ZDHHC8: variants seen among roughly 807,000 people sequenced by gnomAD.
ZDHHC8 encodes zDHHC palmitoyltransferase 8.
In ZDHHC8, 24 loss-of-function variants were observed where a neutral mutation model predicts 61.2. The ratio of observed to expected loss-of-function variants is 0.39; its 90% CI spans 0.28 to 0.55. The LOEUF (loss-of-function observed/expected upper bound fraction) is 0.55. Ranked by LOEUF, ZDHHC8 falls within the 20% of genes least tolerant of loss-of-function variation. The probability of loss-of-function intolerance (pLI) is 0.60; values close to 1 mark genes in which losing one functional copy is unlikely to be tolerated. For missense variants in ZDHHC8, 935 were observed against 1,102.1 expected (o/e 0.85, Z 2.15); for synonymous variants, 523 against 492.5 (o/e 1.06, Z -0.82).
chr22:20,143,760 G>A lies in ZDHHC8; in HGVS notation c.2126+4G>A, dbSNP rs766975324. On this transcript the variant is annotated splice_donor_region_variant and intron_variant, in intron 10 of 10. Transcript: ENST00000334554. ...CGCCCTCGCTGACCGTGCAGAGGTG[G>A]GTGCCGGGAGGTGCGGGTGGGCTTC... is the stretch of plus-strand genomic sequence containing the variant. 3.1e-6 allele frequency: 5 copies of A among 1,600,426 alleles called. No individual in the cohort carries two copies. Among genetic ancestry groups the A allele is most frequent in the African/African-American group, 1.3e-5 (1 of 74,746 alleles).
rs1182924053 is a variant in ZDHHC8 at position 20,143,402 on chromosome 22, G to A, written c.1772G>A (p.Ser591Asn). Residue 591 changes from serine (S) to asparagine (N), a missense_variant, in exon 10 of 11, where the codon AGT becomes AAT. Coordinates refer to ENST00000334554, the MANE Select transcript of ZDHHC8 (RefSeq NM_013373.4). ...AGCTCCTACAGCCTGCAGCAGGCCA[G>A]TGTGCTGTCCGAGGGCCCCCGAGGT... ...APSSYSLQQA[S>N]VLSEGPRGPA... 2 of 1,589,562 alleles carry A rather than the reference G, an allele frequency of 1.3e-6. No homozygotes were observed. The highest frequency in any genetic ancestry group is 1.7e-6 in the Non-Finnish European group (2 of 1,172,502).
chr22:20,145,284 C>T lies in ZDHHC8; in HGVS notation c.2182C>T (p.Leu728=). 6.3e-7 allele frequency: 1 copy of T among 1,581,500 alleles called. No individual in the cohort carries two copies. Among genetic ancestry groups the T allele is most frequent in the Non-Finnish European group, 8.6e-7 (1 of 1,165,106 alleles). Residue 728 remains leucine (L), a synonymous_variant, in exon 11 of 11, where the codon CTG becomes TTG. Coordinates refer to ENST00000334554, the MANE Select transcript of ZDHHC8 (RefSeq NM_013373.4). Reference sequence around the variant, plus strand: ...TAAGCTTAATGGGCAGTCCCCGGGCCTGGCCCGGCTGGGACCTGCCACCGG... The same window carrying T: ...TAAGCTTAATGGGCAGTCCCCGGGCTTGGCCCGGCTGGGACCTGCCACCGG... ...PSKLNGQSPG[L]ARLGPATGPP...
chr22:20,134,553 C>G (rs894666471), intron 1 of ZDHHC8, among the ~76,000 whole-genome samples: 8 of 152,246 alleles, frequency 5.3e-5, no homozygotes, highest in African/African-American at 1.7e-4. Flanking sequence ...CCCCGAATCC[C>G]TGCCCTTAGT....
At chr22:20,136,260 G>C (rs753620388) in intron 1 of ZDHHC8, among the ~76,000 whole-genome samples, 6 of 152,226 alleles carry the variant, frequency 3.9e-5, no homozygotes, top group Non-Finnish European at 7.3e-5. Flanking sequence ...TGCACCATCA[G>C]GTCTGGGTGG....
chr22:20,146,189 G>A lies in ZDHHC8; in HGVS notation c.*789G>A, dbSNP rs568966706. ...GGGGGTGATGCTGCCACAGGGGGCTGGTGACACCCAGAGCCCCCTCCCCAG... is the reference window on the plus strand; with the variant it reads ...GGGGGTGATGCTGCCACAGGGGGCTAGTGACACCCAGAGCCCCCTCCCCAG... On this transcript the variant is annotated 3_prime_UTR_variant, in exon 11 of 11. Coordinates refer to ENST00000334554, the MANE Select transcript of ZDHHC8 (RefSeq NM_013373.4). 2.2e-4 allele frequency: 219 copies of A among 985,556 alleles called. No homozygotes were observed. In the African/African-American group the frequency reaches 3.6e-3, roughly 16 times the overall value. The allele number at this position is 985,556 out of a possible 1,614,324, so 61.1% of individuals were successfully genotyped here.
chr22:20,143,554 T>A lies in ZDHHC8; in HGVS notation c.1924T>A (p.Ser642Thr). The change falls in exon 10 of 11, where the codon TCG becomes ACG. Residue 642 changes from serine to threonine, a missense_variant. Transcript: ENST00000334554. Reference protein sequence around the residue: ...SSSVSRAPRTSSSSLQADQAS... With the variant: ...SSSVSRAPRTTSSSLQADQAS... ...CTCCGTGAGCCGTGCACCGCGGACG[T>A]CGTCCTCCTCCCTGCAGGCTGATCA... 4 of 1,596,632 alleles carry A rather than the reference T, an allele frequency of 2.5e-6. No homozygotes were observed. Among genetic ancestry groups the A allele is most frequent in the Non-Finnish European group, 3.4e-6 (4 of 1,175,496 alleles).
Position 20,147,132 on chromosome 22 carries a change from G to C in ZDHHC8, c.*1732G>C, listed in dbSNP as rs1450220611. ...GCCCGGAGGACCGCCCACCACTGCG[G>C]GCCCCCTGGAGCCAGGCCGCCGGGG... On this transcript the variant is annotated 3_prime_UTR_variant, in exon 11 of 11. Coordinates refer to ENST00000334554, the MANE Select transcript of ZDHHC8 (RefSeq NM_013373.4). 1 of 1,534,306 alleles carries C rather than the reference G, an allele frequency of 6.5e-7. No homozygotes were observed. Among genetic ancestry groups the C allele is most frequent in the Non-Finnish European group, 8.8e-7 (1 of 1,140,948 alleles).
intron 1 of ZDHHC8, among the ~76,000 whole-genome samples, chr22:20,132,958 C>T (rs907173867): frequency 6.6e-6 from 1 of 152,206 alleles, no homozygotes; most frequent in South Asian, 2.1e-4. Context: ...GCCCAGGTGG[C>T]ACGAACGATG....
chr22:20,141,807 C>T (rs1436265428), intron 9 of ZDHHC8, among the ~76,000 whole-genome samples: 1 of 152,198 alleles, frequency 6.6e-6, no homozygotes, highest in Non-Finnish European at 1.5e-5. Flanking sequence ...CCAGGCTTGG[C>T]GTCTGTCCCT....
chr22:20,140,462 G>T lies in ZDHHC8; in HGVS notation c.661-155G>T, dbSNP rs145540707. 259 of 872,184 alleles carry T rather than the reference G, an allele frequency of 3.0e-4. No individual in the cohort carries two copies. In the East Asian group the frequency reaches 6.5e-3, roughly 22 times the overall value. The allele number at this position is 872,184 out of a possible 1,614,324, so 54.0% of individuals were successfully genotyped here. A position where few individuals can be genotyped will look rare whatever the true frequency, so the allele number is the denominator to read the frequency against. On this transcript the variant is annotated intron_variant, in intron 5 of 10. Transcript: ENST00000334554. The stretch of plus-strand genomic sequence containing the variant: ...ACAGCTCCCTGCAAGTTCAGGCTGG[G>T]TAACCTATGTGAGGGGCAGCCCTGG...
intron 1 of ZDHHC8, among the ~76,000 whole-genome samples, chr22:20,132,848 AG>A: frequency 6.6e-6 from 1 of 152,342 alleles, no homozygotes; most frequent in South Asian, 2.1e-4. Flanking sequence ...GGGTCACCCC[AG>A]GGCTCCTTCA....
intron 10 of ZDHHC8, 148 bp from the exon 11 acceptor site, chr22:20,145,081 C>T (rs903722950): frequency 8.5e-6 from 5 of 588,482 alleles, no homozygotes; most frequent in Non-Finnish European, 1.4e-5. Context: ...ACCCTCCAAG[C>T]CCAGAGGGCA....
At chr22:20,140,032 G>T in intron 4 of ZDHHC8, 83 bp from the exon 5 acceptor site, 1 of 1,593,826 alleles carries the variant, frequency 6.3e-7, no homozygotes. Flanking sequence ...GTTGGGAGGA[G>T]GTTTGTCCAC....
At chr22:20,141,179 T>C in intron 7 of ZDHHC8, 38 bp from the exon 8 acceptor site, 1 of 1,597,256 alleles carries the variant, frequency 6.3e-7, no homozygotes, top group Non-Finnish European at 8.5e-7. Context: ...CTGCCCCTCA[T>C]CCAAGCCCCA....
intron 1 of ZDHHC8, among the ~76,000 whole-genome samples, chr22:20,136,158 G>C (rs111803916): frequency 1.3e-5 from 2 of 152,206 alleles, no homozygotes; most frequent in African/African-American, 4.8e-5. Context: ...CAGCCAGGAG[G>C]GGCTCAGAGG....
At position 20,142,991 on chromosome 22, in the gene ZDHHC8, AG is replaced by A. The variant is rs752072853; in HGVS notation, c.1368del (p.Thr459ArgfsTer177). ...DHVALQPLRS[E>X]GGPPTPHRSI... The stretch of plus-strand genomic sequence containing the variant: ...GTGGCCCTGCAGCCCCTGCGCTCTG[AG>A]GGGGGGCCCCCCACGCCCCACCGTA... On this transcript the variant is annotated frameshift_variant, in exon 10 of 11. Coordinates refer to ENST00000334554, the MANE Select transcript of ZDHHC8 (RefSeq NM_013373.4). LOFTEE classifies it high-confidence loss of function. 19 of 1,605,658 alleles carry A rather than the reference AG, an allele frequency of 1.2e-5. No individual in the cohort carries two copies. Among genetic ancestry groups the A allele is most frequent in the East Asian group, 2.2e-5 (1 of 44,660 alleles).
In ZDHHC8 at chr22:20,140,462, G is replaced by A; in HGVS notation, c.661-155G>A. 4.6e-6 allele frequency: 4 copies of A among 872,184 alleles called. No individual in the cohort carries two copies. In the South Asian group the frequency reaches 5.4e-5, roughly 12 times the overall value. 54.0% of individuals were successfully genotyped at this position (872,184 alleles called of 1,614,324 possible). The stretch of plus-strand genomic sequence containing the variant: ...ACAGCTCCCTGCAAGTTCAGGCTGG[G>A]TAACCTATGTGAGGGGCAGCCCTGG... On this transcript the variant is annotated intron_variant, in intron 5 of 10. Coordinates refer to ENST00000334554, the MANE Select transcript of ZDHHC8 (RefSeq NM_013373.4).
In ZDHHC8 at chr22:20,146,895, C is replaced by T; in HGVS notation, c.*1495C>T. 1 of 1,308,010 alleles carries T rather than the reference C, an allele frequency of 7.6e-7. No individual in the cohort carries two copies. 81.0% of individuals were successfully genotyped at this position (1,308,010 alleles called of 1,614,324 possible). A position where few individuals can be genotyped will look rare whatever the true frequency, so the allele number is the denominator to read the frequency against. On this transcript the variant is annotated 3_prime_UTR_variant, in exon 11 of 11. Coordinates refer to ENST00000334554, the MANE Select transcript of ZDHHC8 (RefSeq NM_013373.4). ...CAGGGCTGAGGGAGTGTGAGGGATG[C>T]ACAGCTGTTCAGGGCTGAGACATTC...
chr22:20,147,830 G>A lies in ZDHHC8; in HGVS notation c.*2430G>A, dbSNP rs1158489517. The A allele has an allele frequency of 6.6e-6, 1 of 152,348 alleles. No homozygotes were observed. Among genetic ancestry groups the A allele is most frequent in the African/African-American group, 2.4e-5 (1 of 41,464 alleles). 9.4% of individuals were successfully genotyped at this position (152,348 alleles called of 1,614,324 possible). A position where few individuals can be genotyped will look rare whatever the true frequency, so the allele number is the denominator to read the frequency against. On this transcript the variant is annotated 3_prime_UTR_variant, in exon 11 of 11. Transcript: ENST00000334554. ...GTCCTCCAGCAGTGGTACGGCCTGC[G>A]GCAGGGTGGCACTCCGGCCAGCCCT...
Sources: gnomAD v4.1 joint callset for allele counts (sites outside exome capture counted in the v4.1 genomes callset) on GRCh38, gnomAD v4.1.1 for gene constraint, MANE v1.5 for transcripts, NCBI Gene and HGNC (gene_info 2026-07-23, HGNC 2026-07-21) for gene names.